ERN1: variants seen among roughly 807,000 people sequenced by gnomAD.
The protein encoded by ERN1 is serine/threonine-protein kinase/endoribonuclease IRE1.
In ERN1, 39 loss-of-function variants were observed where a neutral mutation model predicts 113.1. The ratio of observed to expected loss-of-function variants is 0.34; its 90% CI spans 0.27 to 0.45. The LOEUF (loss-of-function observed/expected upper bound fraction) is 0.45. Among genes scored for constraint, ERN1 ranks in the 20% least tolerant of loss-of-function variants. The pLI, the probability that ERN1 is intolerant of heterozygous loss-of-function variation, is 1.00. For missense variants in ERN1, 976 were observed against 1,274.8 expected (o/e 0.77, Z 3.57); for synonymous variants, 507 against 515.9 (o/e 0.98, Z 0.23).
intron 19 of ERN1, among the ~76,000 whole-genome samples, chr17:64,046,457 G>A (rs563224443): frequency 2.6e-5 from 4 of 152,240 alleles, no homozygotes; most frequent in African/African-American, 7.2e-5. Flanking sequence ...TATATTTTGC[G>A]ATCAAAATGA....
At chr17:64,078,634 T>C (rs1048568455) in intron 4 of ERN1, among the ~76,000 whole-genome samples, 4 of 152,246 alleles carry the variant, frequency 2.6e-5, no homozygotes, top group South Asian at 2.1e-4. Flanking sequence ...ACTGATTTTA[T>C]ATGTGTTGTA....
At position 64,090,698 on chromosome 17, in the gene ERN1, T is replaced by C. The variant is rs145819981; in HGVS notation, c.175+7423A>G. Among the ~76,000 whole-genome samples the C allele has an allele frequency of 1.4e-4, 22 of 152,294 alleles. No individual in the cohort carries two copies. In the East Asian group the frequency reaches 3.9e-3, roughly 27 times the overall value. The stretch of plus-strand genomic sequence containing the variant: ...GAGCTGAGATCCACGCTACTACGTG[T>C]GTGGCAGCTGCTAAGAGGAGCCATC... On this transcript the variant is annotated intron_variant, in intron 2 of 21. Coordinates refer to ENST00000433197, the MANE Select transcript of ERN1 (RefSeq NM_001433.5).
chr17:64,112,039 G>A (rs1028349473), intron 1 of ERN1, among the ~76,000 whole-genome samples: 3 of 152,124 alleles, frequency 2.0e-5, no homozygotes, highest in Admixed American at 6.6e-5. Context: ...AATAATTAAG[G>A]AAGAGTTAAA....
intron 6 of ERN1, among the ~76,000 whole-genome samples, chr17:64,068,507 C>G (rs956749071): frequency 1.3e-5 from 2 of 152,236 alleles, no homozygotes. Flanking sequence ...AGAGACGACC[C>G]ACCCTCGCTA....
At chr17:64,095,350 A>T (rs1460521784) in intron 2 of ERN1, among the ~76,000 whole-genome samples, 1 of 152,156 alleles carries the variant, frequency 6.6e-6, no homozygotes, top group Admixed American at 6.5e-5. Context: ...AATCACTTCA[A>T]CCTAAGAGGC....
intron 5 of ERN1, among the ~76,000 whole-genome samples, chr17:64,072,869 C>T (rs1167489266): frequency 6.6e-6 from 1 of 152,078 alleles, no homozygotes; most frequent in African/African-American, 2.4e-5. Context: ...CACTGTGATG[C>T]GTGTATTTCC....
At chr17:64,083,136 G>A (rs1363796496) in intron 2 of ERN1, among the ~76,000 whole-genome samples, 4 of 152,054 alleles carry the variant, frequency 2.6e-5, no homozygotes, top group Admixed American at 6.5e-5. Flanking sequence ...TACGGGGGGC[G>A]GGGAGGACAG....
chr17:64,117,680 G>T (rs141102900), intron 1 of ERN1, among the ~76,000 whole-genome samples: 7 of 152,116 alleles, frequency 4.6e-5, no homozygotes, highest in African/African-American at 1.7e-4. Flanking sequence ...TCTAGTCTAC[G>T]AGAGTACAGT....
At chr17:64,099,324 C>T (rs1191891593) in intron 1 of ERN1, among the ~76,000 whole-genome samples, 3 of 151,180 alleles carry the variant, frequency 2.0e-5, no homozygotes, top group Non-Finnish European at 2.9e-5. Flanking sequence ...GGAATTGTAC[C>T]CTCATTCCAC....
At chr17:64,121,171 C>T in intron 1 of ERN1, among the ~76,000 whole-genome samples, 1 of 152,198 alleles carries the variant, frequency 6.6e-6, no homozygotes, top group East Asian at 1.9e-4. Context: ...GAGCCAGAGT[C>T]ACAGCCACTG....
In ERN1 at chr17:64,071,072, AAG is replaced by A. The variant is rs1913398765; in HGVS notation, c.478+907_478+908del. Among the ~76,000 whole-genome samples the A allele has an allele frequency of 2.0e-5, 3 of 152,238 alleles. No individual in the cohort carries two copies. In the South Asian group the frequency reaches 6.2e-4, roughly 31 times the overall value. ...TATGCAGTGCCAAGTGTTAAGAAGAAAGAGGCTGAAAAGGGAGGAAACACAAA... is the reference window on the plus strand; with the variant it reads ...TATGCAGTGCCAAGTGTTAAGAAGAAAGGCTGAAAAGGGAGGAAACACAAA... On this transcript the variant is annotated intron_variant, in intron 6 of 21. Transcript: ENST00000433197.
chr17:64,053,022 AC>A, intron 16 of ERN1, 43 bp from the exon 17 acceptor site: 1 of 1,385,692 alleles, frequency 7.2e-7, no homozygotes, highest in Non-Finnish European at 9.5e-7. Flanking sequence ...ACCAGGAGCA[AC>A]CCCAGGCCTC....
Position 64,054,061 on chromosome 17 carries a change from TC to T in ERN1, c.1953+188del. ...CTCAAGCAATCTTCCCACCTCAGCC[TC>T]CCAAGTAGCTGGGGCTACAGGAACA... On this transcript the variant is annotated intron_variant, in intron 15 of 21. Coordinates refer to ENST00000433197, the MANE Select transcript of ERN1 (RefSeq NM_001433.5). This position sits in a 1 kb window ranked among gnomAD's most constrained non-coding sequence, Gnocchi z 4.9. The T allele has an allele frequency of 1.9e-6, 1 of 524,170 alleles. No individual in the cohort carries two copies. The highest frequency in any genetic ancestry group is 3.4e-6 in the Non-Finnish European group (1 of 295,470). The allele number at this position is 524,170 out of a possible 1,614,324, so 32.5% of individuals were successfully genotyped here.
At chr17:64,053,068 A>G (rs1912738535) in intron 16 of ERN1, 89 bp from the exon 17 acceptor site, 9 of 1,125,938 alleles carry the variant, frequency 8.0e-6, no homozygotes, top group Non-Finnish European at 1.0e-5. Flanking sequence ...CAGACTCCCA[A>G]TATGCCTGCC....
In ERN1 at chr17:64,045,363, C is replaced by T; in HGVS notation, c.2649G>A (p.Gln883=). Residue 883 remains glutamine, a synonymous_variant, in exon 20 of 22, where the codon CAG becomes CAA. Transcript: ENST00000433197. The part of the protein sequence containing the change: ...DWRENITVPL[Q]TDLRKFRTYK... ...CACACGCTGCAGCATGATCACCTGT[C>T]TGGAGGGGGACAGTGATGTTCTCCC... 6.2e-7 allele frequency: 1 copy of T among 1,613,830 alleles called. No individual in the cohort carries two copies. The highest frequency in any genetic ancestry group is 2.2e-5 in the East Asian group (1 of 44,878).
In ERN1 at chr17:64,054,218, T is replaced by C. The variant is rs1912778964; in HGVS notation, c.1953+32A>G. The C allele has an allele frequency of 1.9e-6, 3 of 1,562,828 alleles. No individual in the cohort carries two copies. The highest frequency in any genetic ancestry group is 2.6e-6 in the Non-Finnish European group (3 of 1,151,754). ...GCCTCCCAAAGTGCTATGACTTTAATAAAGTTAACAAAATAAAAAAAATAA... is the reference window on the plus strand; with the variant it reads ...GCCTCCCAAAGTGCTATGACTTTAACAAAGTTAACAAAATAAAAAAAATAA... On this transcript the variant is annotated intron_variant, in intron 15 of 21. Transcript: ENST00000433197. This position sits in a 1 kb window ranked among gnomAD's most constrained non-coding sequence, Gnocchi z 4.9.
At chr17:64,105,411 TA>T (rs796944726) in intron 1 of ERN1, among the ~76,000 whole-genome samples, 6 of 151,798 alleles carry the variant, frequency 4.0e-5, no homozygotes, top group Admixed American at 6.6e-5. Flanking sequence ...ATAATAATAA[TA>T]AAAAAAAGAC....
At chr17:64,088,324 A>AGCT (rs1438274105) in intron 2 of ERN1, among the ~76,000 whole-genome samples, 2 of 152,184 alleles carry the variant, frequency 1.3e-5, no homozygotes, top group African/African-American at 4.8e-5. Flanking sequence ...AATGGAAATC[A>AGCT]GCTCTCTCTT....
chr17:64,043,829 G>A lies in ERN1; in HGVS notation c.*159C>T. 2 of 572,796 alleles carry A rather than the reference G, an allele frequency of 3.5e-6. No homozygotes were observed. The highest frequency in any genetic ancestry group is 6.2e-6 in the Non-Finnish European group (2 of 323,512). The allele number at this position is 572,796 out of a possible 1,614,324, so 35.5% of individuals were successfully genotyped here. On this transcript the variant is annotated 3_prime_UTR_variant, in exon 22 of 22. Transcript: ENST00000433197. ...AGGGGCCACTTCTCCCACTTCCTGG[G>A]GTCAGCACTGTCCTCTGTGGGCTGC...
Sources: allele counts gnomAD v4.1 joint callset (sites outside exome capture counted in the v4.1 genomes callset), GRCh38; gene constraint gnomAD v4.1.1; non-coding constraint Gnocchi (gnomAD v3.1); transcripts MANE v1.5; gene names NCBI Gene and HGNC (gene_info 2026-07-23, HGNC 2026-07-21).